Variants in UGT3A1 observed in about 807,000 individuals in gnomAD.
The protein encoded by UGT3A1 is UDP-glycosyltransferase 3A1.
A neutral mutation model predicts 37.6 loss-of-function variants in UGT3A1; 40 were observed. That is an observed-to-expected ratio of 1.06 (90% CI 0.83 to 1.38). The LOEUF (loss-of-function observed/expected upper bound fraction) is 1.38, where lower values mean the gene tolerates loss of function less well. UGT3A1 is among the 40% of genes most tolerant of loss of function. UGT3A1 has a pLI of 0.00. For missense variants in UGT3A1, 642 were observed against 634.2 expected (o/e 1.01, Z -0.13); for synonymous variants, 256 against 232.3 (o/e 1.10, Z -0.93).
intron 2 of UGT3A1, among the ~76,000 whole-genome samples, chr5:35,972,818 T>C (rs1322402471): frequency 2.0e-5 from 3 of 151,536 alleles, no homozygotes; most frequent in Non-Finnish European, 2.9e-5. Context: ...AAGAAAAGAA[T>C]GAGATCAAGG....
rs895509120 is a variant in UGT3A1 at position 35,952,946 on chromosome 5, T to C, written c.*1256A>G. ...GGCATTCTCTATTTCTGCAGGAGCA[T>C]TTGTAACAGTTTCATCTTTTGATCT... On this transcript the variant is annotated 3_prime_UTR_variant, in exon 7 of 7. Coordinates refer to ENST00000274278, the MANE Select transcript of UGT3A1 (RefSeq NM_152404.4). The C allele has an allele frequency of 6.6e-6, 1 of 152,208 alleles. No homozygotes were observed. The highest frequency in any genetic ancestry group is 1.5e-5 in the Non-Finnish European group (1 of 68,044). The allele number at this position is 152,208 out of a possible 1,614,324, so 9.4% of individuals were successfully genotyped here.
rs1049805790 is a variant in UGT3A1, at chr5:35,951,020, T to C, written c.*3182A>G. On this transcript the variant is annotated 3_prime_UTR_variant, in exon 7 of 7. Transcript: ENST00000274278. ...AGACTACAAGATTCGTTTGGAGTTC[T>C]TTTTTTTTTCTGTTGATTGATTGTA... 1 of 149,778 alleles carries C rather than the reference T, an allele frequency of 6.7e-6. No homozygotes were observed. The highest frequency in any genetic ancestry group is 1.5e-5 in the Non-Finnish European group (1 of 67,222). 9.3% of individuals were successfully genotyped at this position (149,778 alleles called of 1,614,324 possible).
At chr5:35,976,570 T>C (rs1469521296) in intron 2 of UGT3A1, among the ~76,000 whole-genome samples, 1 of 152,174 alleles carries the variant, frequency 6.6e-6, no homozygotes, top group Non-Finnish European at 1.5e-5. Flanking sequence ...ACAGGCATAG[T>C]AGCTCATGTC....
chr5:35,980,824 A>G (rs184619157), intron 2 of UGT3A1, among the ~76,000 whole-genome samples: 1 of 152,314 alleles, frequency 6.6e-6, no homozygotes, highest in East Asian at 1.9e-4. Flanking sequence ...ACCTTTTATG[A>G]CAGATAAAGA....
intron 2 of UGT3A1, among the ~76,000 whole-genome samples, chr5:35,977,802 C>T (rs747803548): frequency 6.6e-6 from 1 of 152,172 alleles, no homozygotes; most frequent in African/African-American, 2.4e-5. Flanking sequence ...TAAAAGAATA[C>T]ATACCTTATA....
chr5:35,976,833 C>CAAA (rs35523827), intron 2 of UGT3A1, among the ~76,000 whole-genome samples: 16 of 147,132 alleles, frequency 1.1e-4, no homozygotes, highest in African/African-American at 2.3e-4. Flanking sequence ...GTGCTTGCCT[C>CAAA]AAAAATAATA....
rs900937540 is a variant in UGT3A1, at chr5:35,955,841, C to T, written c.1099G>A (p.Val367Ile). The T allele has an allele frequency of 1.9e-6, 3 of 1,614,076 alleles. No individual in the cohort carries two copies. Among genetic ancestry groups the T allele is most frequent in the African/African-American group, 1.3e-5 (1 of 75,016 alleles). ...ACGCTGTTCTGCCCACCATGAGTGACAAAAAGACGGATGCTGGGGTGAGCT... is the reference window on the plus strand; with the variant it reads ...ACGCTGTTCTGCCCACCATGAGTGATAAAAAGACGGATGCTGGGGTGAGCT... The part of the protein sequence containing the change: ...LLAHPSIRLF[V>I]THGGQNSVME... Residue 367 changes from valine (V) to isoleucine (I), a missense_variant, in exon 6 of 7, where the codon GTC becomes ATC. Val to Ile is a conservative substitution (Grantham distance 29, BLOSUM62 3). Transcript: ENST00000274278.
chr5:35,956,370 G>A (rs964341028), intron 5 of UGT3A1, among the ~76,000 whole-genome samples: 2 of 152,156 alleles, frequency 1.3e-5, no homozygotes, highest in Non-Finnish European at 2.9e-5. Context: ...TTAAATCTGT[G>A]TTTCTCAACA....
chr5:35,955,832 C>A lies in UGT3A1; in HGVS notation c.1108G>T (p.Gly370Cys). Residue 370 changes from glycine to cysteine, a missense_variant, in exon 6 of 7, where the codon GGT (glycine) becomes TGT (cysteine). Transcript: ENST00000274278. Reference sequence around the variant, plus strand: ...GCCTCCATTACGCTGTTCTGCCCACCATGAGTGACAAAAAGACGGATGCTG... The same window carrying A: ...GCCTCCATTACGCTGTTCTGCCCACAATGAGTGACAAAAAGACGGATGCTG... ...HPSIRLFVTH[G>C]GQNSVMEAIR... is the part of the protein sequence containing the mutation. The A allele has an allele frequency of 6.2e-7, 1 of 1,614,176 alleles. No homozygotes were observed. The highest frequency in any genetic ancestry group is 8.5e-7 in the Non-Finnish European group (1 of 1,180,038).
At chr5:35,987,499 A>C (rs1740773659) in intron 2 of UGT3A1, among the ~76,000 whole-genome samples, 1 of 152,204 alleles carries the variant, frequency 6.6e-6, no homozygotes. Context: ...TGGAACCACC[A>C]AAATAAGATG....
upstream of UGT3A1, among the ~76,000 whole-genome samples, chr5:35,993,639 C>T (rs1741021482): frequency 2.0e-5 from 3 of 152,286 alleles, no homozygotes; most frequent in Non-Finnish European, 2.9e-5. Context: ...TGGTGCGCGT[C>T]CTTAACTTTG....
intron 1 of UGT3A1, 53 bp downstream of exon 1, chr5:35,991,094 A>T (rs1212831353): frequency 6.2e-7 from 1 of 1,614,072 alleles, no homozygotes. Flanking sequence ...GAGCCCTGGC[A>T]GTGCGGGGAT....
upstream of UGT3A1, among the ~76,000 whole-genome samples, chr5:35,991,891 G>C (rs1251851276): frequency 6.6e-6 from 1 of 152,180 alleles, no homozygotes; most frequent in Non-Finnish European, 1.5e-5. Flanking sequence ...TCTGTACCTG[G>C]AGACTGAAAT....
intron 1 of UGT3A1, among the ~76,000 whole-genome samples, chr5:35,997,903 T>C (rs1741133703): frequency 6.6e-6 from 1 of 152,202 alleles, no homozygotes; most frequent in African/African-American, 2.4e-5. Flanking sequence ...GAGACTTAAG[T>C]ATTAGGGGCA....
intron 2 of UGT3A1, 79 bp downstream of exon 2, chr5:35,988,371 T>C: frequency 9.7e-7 from 1 of 1,031,598 alleles, no homozygotes; most frequent in South Asian, 1.7e-5. Flanking sequence ...AAGTTTTTAC[T>C]ATGCAGCTGT....
upstream of UGT3A1, chr5:35,991,410 G>A (rs866993203): frequency 2.1e-5 from 30 of 1,454,250 alleles, no homozygotes; most frequent in South Asian, 4.0e-4. Flanking sequence ...CTTTCCCGCT[G>A]CCCCTCCTCC....
chr5:35,960,004 T>C (rs959273008), intron 4 of UGT3A1, among the ~76,000 whole-genome samples: 1 of 152,110 alleles, frequency 6.6e-6, no homozygotes, highest in Non-Finnish European at 1.5e-5. Flanking sequence ...AGATTTTACA[T>C]TTAAAACATG....
chr5:35,983,690 A>G (rs1157667128), intron 2 of UGT3A1, among the ~76,000 whole-genome samples: 1 of 152,220 alleles, frequency 6.6e-6, no homozygotes, highest in Non-Finnish European at 1.5e-5. Flanking sequence ...CATTAAAAAG[A>G]TCATTCACCA....
intron 4 of UGT3A1, among the ~76,000 whole-genome samples, chr5:35,958,019 T>A (rs954509755): frequency 3.3e-5 from 5 of 152,240 alleles, no homozygotes; most frequent in African/African-American, 1.2e-4. Flanking sequence ...CTCAATTCCA[T>A]CAATTATTGC....
Sources: gnomAD v4.1 joint callset for allele counts (sites outside exome capture counted in the v4.1 genomes callset) on GRCh38, gnomAD v4.1.1 for gene constraint, MANE v1.5 for transcripts, NCBI Gene and HGNC (gene_info 2026-07-23, HGNC 2026-07-21) for gene names.